The following DPP6 variants were observed in gnomAD, a reference collection of about 807,000 sequenced individuals.
The protein encoded by DPP6 is A-type potassium channel modulatory protein DPP6.
DPP6 carries 69 observed loss-of-function variants against 122.6 expected under a neutral mutation model. The ratio of observed to expected loss-of-function variants is 0.56; its 90% confidence interval spans 0.46 to 0.69. DPP6 has a LOEUF of 0.69. DPP6 is among the 30% of genes least tolerant of loss of function. The probability of loss-of-function intolerance (pLI) is 0.00; values close to 1 mark genes in which losing one functional copy is unlikely to be tolerated. For synonymous variants in DPP6, 418 were observed against 433.1 expected (o/e 0.97, Z 0.43); for missense variants, 928 against 1,116.9 (o/e 0.83, Z 2.41).
At chr7:154,753,315 A>T (rs1843491779) in intron 8 of DPP6, among the ~76,000 whole-genome samples, 2 of 152,024 alleles carry the variant, frequency 1.3e-5, no homozygotes, top group African/African-American at 2.4e-5. Context: ...CGAATCTATT[A>T]TTTACTCGAA....
At chr7:154,171,830 C>T (rs903181995) in intron 1 of DPP6, among the ~76,000 whole-genome samples, 4 of 150,854 alleles carry the variant, frequency 2.7e-5, no homozygotes, top group African/African-American at 7.3e-5. Flanking sequence ...TATATATAAC[C>T]ACCATTCCAT....
Position 154,000,813 on chromosome 7 carries a change from G to T in DPP6, c.51+113079G>T, listed in dbSNP as rs6942936. On this transcript the variant is annotated intron_variant, in intron 1 of 25. Transcript: ENST00000404039. Reference sequence around the variant, plus strand: ...GGCCACTGCGACCTCTCTTTTCTAGGCATAAACCTGAGTCCCTGGCCCAGG... The same window carrying T: ...GGCCACTGCGACCTCTCTTTTCTAGTCATAAACCTGAGTCCCTGGCCCAGG... Among the ~76,000 whole-genome samples the T allele has an allele frequency of 4.6e-5, 7 of 152,154 alleles. No homozygotes were observed. The East Asian group carries it at 1.4e-3, about 30-fold the overall frequency.
intron 16 of DPP6, among the ~76,000 whole-genome samples, chr7:154,809,909 G>A (rs796870528): frequency 7.9e-5 from 12 of 152,112 alleles, no homozygotes; most frequent in South Asian, 6.2e-4. Flanking sequence ...TTGCTCTGCC[G>A]CCCAGGCTGG....
intron 1 of DPP6, among the ~76,000 whole-genome samples, chr7:154,097,051 C>G (rs1435578551): frequency 6.6e-6 from 1 of 152,226 alleles, no homozygotes; most frequent in African/African-American, 2.4e-5. Context: ...TTCACTGCAG[C>G]TGCCTGTCTC....
chr7:154,140,441 T>C (rs1305021985), intron 1 of DPP6, among the ~76,000 whole-genome samples: 1 of 152,046 alleles, frequency 6.6e-6, no homozygotes, highest in Non-Finnish European at 1.5e-5. Flanking sequence ...GAGCTTCTCT[T>C]AGGAATCCAT....
chr7:154,801,126 C>A (rs985603800), intron 12 of DPP6, among the ~76,000 whole-genome samples: 4 of 151,926 alleles, frequency 2.6e-5, no homozygotes, highest in Non-Finnish European at 4.4e-5. Context: ...TTTGCCACTG[C>A]CGGGGCTGTA....
At chr7:154,318,992 A>G (rs1341242352) in intron 1 of DPP6, among the ~76,000 whole-genome samples, 1 of 152,042 alleles carries the variant, frequency 6.6e-6, no homozygotes, top group Non-Finnish European at 1.5e-5. Flanking sequence ...TCTGGTTTAG[A>G]GTGTGTTGGT....
rs1821824456 is a variant in DPP6, at chr7:154,466,796, C to T, written c.359-8143C>T. On this transcript the variant is annotated intron_variant, in intron 2 of 25. Transcript: ENST00000377770. The stretch of plus-strand genomic sequence containing the variant: ...GTCTGTTCTCTGACCCGCAAAGATT[C>T]ACATCCTTCTCATATATAAAGCACA... Among the ~76,000 whole-genome samples the T allele has an allele frequency of 1.3e-5, 2 of 152,192 alleles. 1 individual carries two copies. The highest frequency in any genetic ancestry group is 4.1e-4 in the South Asian group (2 of 4,826).
chr7:154,305,925 A>G (rs1205635532), intron 1 of DPP6, among the ~76,000 whole-genome samples: 6 of 152,170 alleles, frequency 3.9e-5, no homozygotes, highest in Admixed American at 1.3e-4. Flanking sequence ...GTTCCCAGCT[A>G]GTACTTTGTA....
At position 154,777,550 on chromosome 7, in the gene DPP6, T is replaced by C. The variant is rs150809398; in HGVS notation, c.1136+4608T>C. On this transcript the variant is annotated intron_variant, in intron 10 of 25. Coordinates refer to ENST00000377770, the MANE Select transcript of DPP6 (RefSeq NM_130797.4). ...CTATGCTTTCACACAGAAACCCAGC[T>C]GCACTGATAAAACAAATGCGCTTGT... 3.2e-3 allele frequency among the ~76,000 whole-genome samples: 486 copies of C among 152,274 alleles called. 1 individual carries two copies. Among genetic ancestry groups the C allele is most frequent in the African/African-American group, 0.011 (455 of 41,562 alleles).
intron 16 of DPP6, among the ~76,000 whole-genome samples, chr7:154,850,221 A>G (rs942397532): frequency 2.0e-5 from 3 of 152,084 alleles, no homozygotes; most frequent in Admixed American, 2.0e-4. Flanking sequence ...CCCAAAGTCC[A>G]TTGTATCATT....
At chr7:153,908,343 C>T (rs938726969) in intron 1 of DPP6, among the ~76,000 whole-genome samples, 3 of 152,014 alleles carry the variant, frequency 2.0e-5, no homozygotes, top group Middle Eastern at 3.2e-3. Flanking sequence ...TAGTTATGGT[C>T]CTTTTAAATG....
chr7:153,846,051 A>G, the DPP6 span, among the ~76,000 whole-genome samples: 2 of 152,250 alleles, frequency 1.3e-5, no homozygotes, highest in African/African-American at 4.8e-5. Context: ...ACTTTATGAC[A>G]TAATACCTAA....
At chr7:153,863,889 G>A in the DPP6 span, among the ~76,000 whole-genome samples, 1 of 152,148 alleles carries the variant, frequency 6.6e-6, no homozygotes, top group African/African-American at 2.4e-5. Context: ...GTTCATCCAC[G>A]TTGTGGCATG....
intron 1 of DPP6, among the ~76,000 whole-genome samples, chr7:153,890,016 A>C (rs1181947920): frequency 1.3e-5 from 2 of 152,192 alleles, no homozygotes; most frequent in South Asian, 2.1e-4. Context: ...CTTGCTAATC[A>C]CAGCCTCTCT....
At chr7:153,842,416 T>G in the DPP6 span, among the ~76,000 whole-genome samples, 1 of 152,162 alleles carries the variant, frequency 6.6e-6, no homozygotes, top group South Asian at 2.1e-4. Flanking sequence ...GTTAATATTC[T>G]CATTTGCCTT....
At chr7:154,800,212 T>C (rs190893672) in intron 12 of DPP6, among the ~76,000 whole-genome samples, 3 of 152,344 alleles carry the variant, frequency 2.0e-5, no homozygotes, top group Admixed American at 2.0e-4. Flanking sequence ...GTTTGCAGAT[T>C]AAAGGTTCCA....
chr7:154,131,279 T>A (rs1229310531), intron 1 of DPP6, among the ~76,000 whole-genome samples: 2 of 152,184 alleles, frequency 1.3e-5, no homozygotes, highest in Non-Finnish European at 2.9e-5. Flanking sequence ...GATATGCAGT[T>A]TTAGCCCAAA....
At chr7:154,884,604 CGATTACAT>C (rs1563325744) in intron 21 of DPP6, 1 of 151,830 alleles carries the variant, frequency 6.6e-6, no homozygotes, top group East Asian at 1.9e-4. Flanking sequence ...CATACATACA[CGATTACAT>C]ACACATGCTC....
Sources: gnomAD v4.1 joint callset for allele counts (sites outside exome capture counted in the v4.1 genomes callset) on GRCh38, gnomAD v4.1.1 for gene constraint, MANE v1.5 for transcripts, NCBI Gene and HGNC (gene_info 2026-07-23, HGNC 2026-07-21) for gene names.